DST: variants seen among roughly 807,000 people sequenced by gnomAD.
DST encodes the protein dystonin.
DST carries 253 observed loss-of-function variants against 875.2 expected under a neutral mutation model. That is an observed-to-expected ratio of 0.29 (90% CI 0.26 to 0.32). The LOEUF (loss-of-function observed/expected upper bound fraction) is 0.32. Among genes scored for constraint, DST ranks in the 10% least tolerant of loss-of-function variants. The pLI, the probability that DST is intolerant of heterozygous loss-of-function variation, is 1.00. For synonymous variants in DST, 3,124 were observed against 3,197.1 expected (o/e 0.98, Z 0.77); for missense variants, 8,287 against 9,111.6 (o/e 0.91, Z 3.68).
chr6:56,803,295 T>G (rs368965376), intron 4 of DST, among the ~76,000 whole-genome samples: 4 of 152,326 alleles, frequency 2.6e-5, no homozygotes, highest in African/African-American at 9.6e-5. Context: ...GGGAAATCAC[T>G]TTTAAAATTT....
At chr6:56,521,405 T>C (rs914878085) in intron 69 of DST, among the ~76,000 whole-genome samples, 15 of 151,782 alleles carry the variant, frequency 9.9e-5, no homozygotes, top group African/African-American at 3.4e-4. Context: ...CTGACAGTAT[T>C]TAAATGAGTG....
At chr6:56,521,369 C>A (rs1190850345) in intron 69 of DST, among the ~76,000 whole-genome samples, 2 of 150,926 alleles carry the variant, frequency 1.3e-5, no homozygotes, top group Non-Finnish European at 3.0e-5. Flanking sequence ...TAAAGTAATA[C>A]CCCAACCCTC....
rs145976321 is a variant in DST at position 56,532,422 on chromosome 6, G to A, written c.17030C>T (p.Ala5677Val). The A allele has an allele frequency of 3.3e-3, 5,278 of 1,613,386 alleles. 137 individuals carry two copies. The African/African-American group carries it at 0.06, about 18-fold the overall frequency. The change falls in exon 64 of 104, where the codon GCA (alanine) becomes GTA (valine). Residue 5677 changes from alanine to valine, a missense_variant. This residue lies in a region of DST where 777 missense variants were observed against 764.8 expected (regional missense o/e 1.02). Coordinates refer to ENST00000680361, the MANE Select transcript of DST (RefSeq NM_001374736.1). ...CTGTTTCAAAATCTTCACTTTATCT[G>A]CGGGCTCTGCTGTTGTAGCAATTTT... ...GEKIATTAEP[A>V]DKVKILKQLS...
chr6:56,762,640 C>A (rs543077032), intron 4 of DST, among the ~76,000 whole-genome samples: 80 of 152,310 alleles, frequency 5.3e-4, no homozygotes, highest in African/African-American at 1.9e-3. Context: ...TTAAGAGTCA[C>A]CCAATAACTG....
intron 2 of DST, among the ~76,000 whole-genome samples, chr6:56,910,531 C>A (rs565598370): frequency 6.6e-6 from 1 of 152,100 alleles, no homozygotes; most frequent in South Asian, 2.1e-4. Flanking sequence ...AGCACCCAGG[C>A]TGGAGTACAG....
chr6:56,704,240 T>G (rs1244577762), intron 6 of DST, 40 bp downstream of exon 6: 1 of 1,072,256 alleles, frequency 9.3e-7, no homozygotes, highest in East Asian at 2.6e-5. Flanking sequence ...CAGAAAAGAT[T>G]ACACGTTCTT....
chr6:56,555,432 G>C lies in DST; in HGVS notation c.15049C>G (p.Leu5017Val). ...GCTTTCAAGTACTCTTCTTTAACCA[G>C]TGCTGACAAATCCTCACAGAGTGCC... ...AQALCEDLSA[L>V]VKEEYLKAEL... Residue 5017 changes from leucine (L) to valine (V), a missense_variant, in exon 60 of 104, where the codon CTG becomes GTG. Around this residue, in one of 10 missense-constraint regions of DST, gnomAD observed 1,513 missense variants for 1,677.8 expected, o/e 0.90. Coordinates refer to ENST00000680361, the MANE Select transcript of DST (RefSeq NM_001374736.1). 1 of 1,613,974 alleles carries C rather than the reference G, an allele frequency of 6.2e-7. No individual in the cohort carries two copies. The highest frequency in any genetic ancestry group is 8.5e-7 in the Non-Finnish European group (1 of 1,179,896).
chr6:56,740,209 C>A (rs1157434228), intron 4 of DST, among the ~76,000 whole-genome samples: 2 of 152,022 alleles, frequency 1.3e-5, no homozygotes, highest in Non-Finnish European at 2.9e-5. Flanking sequence ...TCTGTGGACT[C>A]ACCCTGAATT....
At chr6:56,642,659 A>C in intron 15 of DST, 156 bp from the exon 16 acceptor site, 1 of 1,614,200 alleles carries the variant, frequency 6.2e-7, no homozygotes. Flanking sequence ...AAGCTAATGC[A>C]AGAGTTGATC....
chr6:56,641,909 C>G (rs2098909043), intron 17 of DST, 38 bp downstream of exon 17: 2 of 1,534,446 alleles, frequency 1.3e-6, no homozygotes, highest in Non-Finnish European at 1.8e-6. Context: ...AACAGTTACA[C>G]AAAAAAAGGA....
intron 4 of DST, among the ~76,000 whole-genome samples, chr6:56,752,495 C>T (rs1169618416): frequency 1.3e-5 from 2 of 152,176 alleles, no homozygotes; most frequent in Non-Finnish European, 2.9e-5. Flanking sequence ...ATACCCACCC[C>T]CACTCCCACA....
chr6:56,740,010 C>T (rs142993637), intron 4 of DST, among the ~76,000 whole-genome samples: 129 of 152,212 alleles, frequency 8.5e-4, no homozygotes, highest in African/African-American at 2.9e-3. Flanking sequence ...CACAGGCATG[C>T]GCCAACACAC....
chr6:56,617,108 T>C, intron 36 of DST: 1 of 1,613,176 alleles, frequency 6.2e-7, no homozygotes, highest in Non-Finnish European at 8.5e-7. Context: ...TTCAACAGTC[T>C]TAAGACCGAG....
At chr6:56,609,889 G>A (rs2098530186) in intron 39 of DST, among the ~76,000 whole-genome samples, 1 of 152,104 alleles carries the variant, frequency 6.6e-6, no homozygotes, top group Non-Finnish European at 1.5e-5. Context: ...ATAACTTTTT[G>A]AATATTGAAT....
chr6:56,575,196 G>T (rs2097846377), intron 50 of DST, among the ~76,000 whole-genome samples: 1 of 152,056 alleles, frequency 6.6e-6, no homozygotes, highest in South Asian at 2.1e-4. Context: ...ATAGATGCTG[G>T]AAACTACTAG....
chr6:56,741,513 A>C (rs2099546817), intron 4 of DST, among the ~76,000 whole-genome samples: 1 of 152,238 alleles, frequency 6.6e-6, no homozygotes, highest in African/African-American at 2.4e-5. Context: ...GAAAAGAGTT[A>C]ATGTGAATTC....
chr6:56,951,486 A>C (rs1369259650), intron 2 of DST, among the ~76,000 whole-genome samples: 1 of 152,242 alleles, frequency 6.6e-6, no homozygotes, highest in Non-Finnish European at 1.5e-5. Context: ...TTTAAAACCA[A>C]GTAAATTCAG....
chr6:56,648,280 C>T (rs2098955707), intron 13 of DST, among the ~76,000 whole-genome samples: 2 of 152,060 alleles, frequency 1.3e-5, no homozygotes, highest in South Asian at 4.2e-4. Context: ...GCAAGCATTT[C>T]CCATGTACTA....
intron 50 of DST, among the ~76,000 whole-genome samples, chr6:56,576,505 G>A (rs923444659): frequency 6.6e-6 from 1 of 152,118 alleles, no homozygotes; most frequent in Non-Finnish European, 1.5e-5. Flanking sequence ...GGTAGACAGT[G>A]TCAGAATTGA....
Sources: gnomAD v4.1 joint callset for allele counts (sites outside exome capture counted in the v4.1 genomes callset) on GRCh38, gnomAD v4.1.1 for gene constraint, gnomAD v4.1.1 regional missense constraint, MANE v1.5 for transcripts, NCBI Gene and HGNC (gene_info 2026-07-23, HGNC 2026-07-21) for gene names.